Variants in DGLUCY observed in about 807,000 individuals in gnomAD.
DGLUCY encodes D-glutamate cyclase, mitochondrial.
DGLUCY carries 58 observed loss-of-function variants against 58.5 expected under a neutral mutation model. The observed-to-expected ratio is 0.99, with a 90% CI of 0.80 to 1.23. DGLUCY has a LOEUF of 1.23. Ranked by LOEUF, DGLUCY falls within the 50% of genes most tolerant of loss-of-function variation. The pLI is 0.00. For missense variants in DGLUCY, 779 were observed against 784.7 expected (o/e 0.99, Z 0.09); for synonymous variants, 325 against 314.1 (o/e 1.03, Z -0.37).
chr14:91,141,591 C>T (rs1211491973), intron 1 of DGLUCY, among the ~76,000 whole-genome samples: 7 of 139,592 alleles, frequency 5.0e-5, no homozygotes, highest in African/African-American at 1.3e-4. Context: ...CTCACTCTGT[C>T]GCCAGGCTGG....
At chr14:91,073,349 G>A (rs1270209368) in intron 1 of DGLUCY, among the ~76,000 whole-genome samples, 5 of 152,100 alleles carry the variant, frequency 3.3e-5, no homozygotes, top group South Asian at 2.1e-4. Context: ...GATGAGGCAC[G>A]AGAATTGCTT....
chr14:91,103,092 A>G (rs1464583261), upstream of DGLUCY, among the ~76,000 whole-genome samples: 2 of 151,850 alleles, frequency 1.3e-5, no homozygotes, highest in African/African-American at 2.4e-5. Flanking sequence ...GAAAGTGCAA[A>G]GATACCCCCA....
At chr14:91,209,582 C>A (rs916643855) in intron 12 of DGLUCY, among the ~76,000 whole-genome samples, 9 of 152,086 alleles carry the variant, frequency 5.9e-5, no homozygotes, top group African/African-American at 2.2e-4. Flanking sequence ...GTGGCGGGCA[C>A]CTGTAGTCCC....
At chr14:91,090,095 G>A (rs1026058505) in intron 1 of DGLUCY, among the ~76,000 whole-genome samples, 2 of 152,144 alleles carry the variant, frequency 1.3e-5, no homozygotes, top group Non-Finnish European at 2.9e-5. Flanking sequence ...TATCTGGCTG[G>A]CGGCTGCAGA....
intron 1 of DGLUCY, among the ~76,000 whole-genome samples, chr14:91,156,146 C>T (rs933864125): frequency 2.3e-4 from 34 of 150,430 alleles, no homozygotes; most frequent in African/African-American, 8.3e-4. Context: ...TGGAGTCTCG[C>T]TCTGTTGCCC....
chr14:91,125,036 T>A (rs2045591183), intron 1 of DGLUCY, among the ~76,000 whole-genome samples: 1 of 152,192 alleles, frequency 6.6e-6, no homozygotes, highest in Non-Finnish European at 1.5e-5. Flanking sequence ...TGCCTTTGCC[T>A]CTTTTAAAAG....
chr14:91,165,386 C>A, intron 3 of DGLUCY: 1 of 413,984 alleles, frequency 2.4e-6, no homozygotes. Flanking sequence ...GAGGCTGAGA[C>A]ATGCAAAGCC....
chr14:91,060,605 C>A, exon 1 of DGLUCY: 1 of 906,248 alleles, frequency 1.1e-6, no homozygotes, highest in Non-Finnish European at 1.4e-6. Context: ...GCTCGCTCCT[C>A]GCCTCCTCCC....
chr14:91,142,053 C>T (rs1354937545), intron 1 of DGLUCY, among the ~76,000 whole-genome samples: 1 of 151,468 alleles, frequency 6.6e-6, no homozygotes, highest in Non-Finnish European at 1.5e-5. Context: ...ATCATGTTGA[C>T]CAGGCAGGTC....
rs199874947 is a variant in DGLUCY, at chr14:91,196,389, C to G, written c.1210C>G (p.Gln404Glu). The stretch of plus-strand genomic sequence containing the variant: ...TTATTTTCAAGGTGTTCTGAAGACG[C>G]AGATCCCGATATTAACTTACCAAGG... ...DAVEQGVLKT[Q>E]IPILTYQGGS... Residue 404 changes from glutamine (Q) to glutamate (E), a missense_variant, in exon 10 of 14, where the codon CAG becomes GAG. Gln to Glu is a conservative substitution (Grantham distance 29). Coordinates refer to ENST00000256324, the MANE Select transcript of DGLUCY (RefSeq NM_001102368.3). 6.2e-7 allele frequency: 1 copy of G among 1,613,966 alleles called. No homozygotes were observed. Among genetic ancestry groups the G allele is most frequent in the Non-Finnish European group, 8.5e-7 (1 of 1,179,990 alleles).
At chr14:91,098,612 G>C (rs1338014306) in intron 1 of DGLUCY, among the ~76,000 whole-genome samples, 2 of 152,040 alleles carry the variant, frequency 1.3e-5, no homozygotes, top group East Asian at 3.8e-4. Flanking sequence ...TTAACACTCA[G>C]CTCCCACAAG....
At chr14:91,170,312 T>G in intron 5 of DGLUCY, 111 bp downstream of exon 5, 1 of 1,205,188 alleles carries the variant, frequency 8.3e-7, no homozygotes, top group Admixed American at 2.6e-5. Context: ...AAACCTAAGC[T>G]CCAGCCCCAG....
chr14:91,076,882 G>A (rs56118812), intron 1 of DGLUCY, among the ~76,000 whole-genome samples: 43,221 of 151,940 alleles, frequency 0.28, 6,258 homozygotes, highest in Middle Eastern at 0.32. Flanking sequence ...GTGCCAGCAC[G>A]ACTCCACAGG....
rs756984463 is a variant in DGLUCY at position 91,215,405 on chromosome 14, G to A, written c.1565G>A (p.Gly522Asp). ...ATGGAATCTTGTTTTGCTGTTCTAGGTGTTTCTAACTGGGGAGGCTATGCC... is the reference window on the plus strand; with the variant it reads ...ATGGAATCTTGTTTTGCTGTTCTAGATGTTTCTAACTGGGGAGGCTATGCC... ...DVEADFAVIA[G>D]VSNWGGYALA... The change falls in exon 13 of 14, where the codon GGT (glycine) becomes GAT (aspartate). Residue 522 changes from glycine (G) to aspartate (D), a missense_variant and splice_region_variant. Gly to Asp is a moderately conservative substitution (Grantham distance 94). Coordinates refer to ENST00000256324, the MANE Select transcript of DGLUCY (RefSeq NM_001102368.3). 1 of 1,602,960 alleles carries A rather than the reference G, an allele frequency of 6.2e-7. No homozygotes were observed. The highest frequency in any genetic ancestry group is 8.5e-7 in the Non-Finnish European group (1 of 1,172,318).
At chr14:91,080,667 C>A (rs2044108521) in intron 1 of DGLUCY, among the ~76,000 whole-genome samples, 1 of 152,142 alleles carries the variant, frequency 6.6e-6, no homozygotes, top group African/African-American at 2.4e-5. Flanking sequence ...CCACACGCAG[C>A]CCCAGAACAT....
chr14:91,131,089 A>G (rs2046000942), intron 1 of DGLUCY, among the ~76,000 whole-genome samples: 1 of 152,162 alleles, frequency 6.6e-6, no homozygotes, highest in Non-Finnish European at 1.5e-5. Context: ...AGCTGGGATT[A>G]CAGCCACGTA....
intron 9 of DGLUCY, among the ~76,000 whole-genome samples, chr14:91,189,627 G>T (rs551247267): frequency 6.6e-6 from 1 of 152,248 alleles, no homozygotes; most frequent in South Asian, 2.1e-4. Context: ...TGTTGGAGAC[G>T]CGAGGCTGTA....
At chr14:91,083,221 T>C (rs2044156073) in intron 1 of DGLUCY, among the ~76,000 whole-genome samples, 1 of 152,068 alleles carries the variant, frequency 6.6e-6, no homozygotes, top group Non-Finnish European at 1.5e-5. Context: ...TGCCTCCCAC[T>C]TAAAGAACAA....
intron 1 of DGLUCY, among the ~76,000 whole-genome samples, chr14:91,084,148 C>A (rs2140052284): frequency 6.6e-6 from 1 of 151,870 alleles, no homozygotes; most frequent in East Asian, 1.9e-4. Flanking sequence ...CTCCTGGATG[C>A]CCCCCATCTA....
Sources: allele counts gnomAD v4.1 joint callset (sites outside exome capture counted in the v4.1 genomes callset), GRCh38; gene constraint gnomAD v4.1.1; transcripts MANE v1.5; gene names NCBI Gene and HGNC (gene_info 2026-07-23, HGNC 2026-07-21).